PANK1: variants seen among roughly 807,000 people sequenced by gnomAD.
PANK1 encodes pantothenate kinase 1.
In PANK1, 18 loss-of-function variants were observed where a neutral mutation model predicts 40.1. That is an observed-to-expected ratio of 0.45 (90% CI 0.31 to 0.67). The LOEUF (loss-of-function observed/expected upper bound fraction) is 0.67. PANK1 is among the 30% of genes least tolerant of loss of function. The pLI is 0.06. For synonymous variants in PANK1, 242 were observed against 237.7 expected (o/e 1.02, Z -0.17); for missense variants, 457 against 599.6 (o/e 0.76, Z 2.48).
intron 5 of PANK1, among the ~76,000 whole-genome samples, chr10:89,589,586 T>G (rs1564616446): frequency 1.3e-5 from 2 of 152,136 alleles, no homozygotes; most frequent in African/African-American, 4.8e-5. Context: ...GTCACTCATA[T>G]CAAAGGCAAG....
intron 3 of PANK1, among the ~76,000 whole-genome samples, chr10:89,596,552 TCC>T: frequency 6.6e-6 from 1 of 152,212 alleles, no homozygotes; most frequent in Non-Finnish European, 1.5e-5. Flanking sequence ...GCCAAATGTC[TCC>T]CAGCACTTTA....
intron 6 of PANK1, among the ~76,000 whole-genome samples, chr10:89,586,262 A>G (rs1844192755): frequency 6.6e-6 from 1 of 152,230 alleles, no homozygotes; most frequent in African/African-American, 2.4e-5. Flanking sequence ...ATTGCTAAAA[A>G]TGGCAACTCT....
At chr10:89,639,140 T>G in intron 1 of PANK1, 9 of 418,462 alleles carry the variant, frequency 2.2e-5, no homozygotes, top group South Asian at 1.5e-4. Flanking sequence ...AGAAATTTAT[T>G]TGGCTTACAG....
At position 89,644,617 on chromosome 10, in the gene PANK1, C is replaced by T. The variant is rs746867059; in HGVS notation, c.275G>A (p.Gly92Glu). 2.4e-5 allele frequency: 38 copies of T among 1,589,212 alleles called. No individual in the cohort carries two copies. The highest frequency in any genetic ancestry group is 3.1e-5 in the Non-Finnish European group (36 of 1,172,842). ...KCRLRRRMDS[G>E]RKNRPPFPWF... ...GGACTTACGCGGCCTGTTCTTTCTCCCCGAGTCCATCCTCCTCCGCAGCCG... is the reference window on the plus strand; with the variant it reads ...GGACTTACGCGGCCTGTTCTTTCTCTCCGAGTCCATCCTCCTCCGCAGCCG... Residue 92 changes from glycine (G) to glutamate (E), a missense_variant, in exon 1 of 7, where the codon GGG becomes GAG. Gly to Glu is a moderately conservative substitution (Grantham distance 98). This residue lies in a region of PANK1 where 286 missense variants were observed against 415.8 expected (regional missense o/e 0.69). Transcript: ENST00000307534.
intron 5 of PANK1, among the ~76,000 whole-genome samples, chr10:89,591,305 G>A (rs1844379920): frequency 1.3e-5 from 2 of 152,070 alleles, no homozygotes; most frequent in Admixed American, 1.3e-4. Context: ...AGACAGAAGT[G>A]GAAATGGTGA....
rs1159137700 is a variant in PANK1 at position 89,595,824 on chromosome 10, AAAAAAAAAAAT to A, written c.900-1846_900-1836del. Among the ~76,000 whole-genome samples the A allele has an allele frequency of 8.3e-3, 435 of 52,618 alleles. 6 individuals carry two copies. The East Asian group carries it at 0.18, about 21-fold the overall frequency. 34.5% of individuals were successfully genotyped at this position (52,618 alleles called of 152,430 possible). On this transcript the variant is annotated intron_variant, in intron 3 of 6. Coordinates refer to ENST00000307534, the MANE Select transcript of PANK1 (RefSeq NM_148977.3). ...AGAGCCGGACTCCATCTTAAAAAAA[AAAAAAAAAAAT>A]ATATATATATATATATATATATATA...
intron 2 of PANK1, among the ~76,000 whole-genome samples, chr10:89,610,799 C>T (rs1845129101): frequency 6.6e-6 from 1 of 152,222 alleles, no homozygotes; most frequent in South Asian, 2.1e-4. Context: ...CCTAAAATCT[C>T]CCAACCCTTC....
rs558711311 is a variant in PANK1, at chr10:89,618,226, C to G, written c.293-6178G>C. Among the ~76,000 whole-genome samples, 99 of 152,320 alleles carry G rather than the reference C, an allele frequency of 6.5e-4. 1 individual carries two copies. Among genetic ancestry groups the G allele is most frequent in the Non-Finnish European group, 1.1e-3 (76 of 68,026 alleles). On this transcript the variant is annotated intron_variant, in intron 1 of 6. Transcript: ENST00000307534. ...TTTTAGAATGACTGAGCACCAGTGA[C>G]TGCTGGGTATCTCCCATTCACCCCC...
At chr10:89,628,436 CGT>C (rs1564634751) in intron 1 of PANK1, among the ~76,000 whole-genome samples, 1 of 58,690 alleles carries the variant, frequency 1.7e-5, no homozygotes, top group East Asian at 3.0e-4. Context: ...GAAAAGATCA[CGT>C]ATGATATGAT....
At chr10:89,636,541 TC>T (rs1841820478) in intron 1 of PANK1, among the ~76,000 whole-genome samples, 1 of 152,022 alleles carries the variant, frequency 6.6e-6, no homozygotes, top group Non-Finnish European at 1.5e-5. Context: ...AACCTCCACC[TC>T]GTGGGTTCAA....
intron 1 of PANK1, among the ~76,000 whole-genome samples, chr10:89,622,819 A>G (rs1350647908): frequency 6.6e-6 from 1 of 151,956 alleles, no homozygotes; most frequent in Non-Finnish European, 1.5e-5. Flanking sequence ...CCTGGGTGAC[A>G]GAGCGAGACT....
chr10:89,644,990 T>G lies in PANK1; in HGVS notation c.-99A>C. The G allele has an allele frequency of 1.3e-6, 2 of 1,576,370 alleles. No homozygotes were observed. Among genetic ancestry groups the G allele is most frequent in the South Asian group, 1.1e-5 (1 of 87,444 alleles). ...ATTTCCCCGGATCCTCCCTGCGGCT[T>G]CCGATTCAGCAGCCGCAGAGCCGGC... On this transcript the variant is annotated 5_prime_UTR_variant, in exon 1 of 7. Coordinates refer to ENST00000307534, the MANE Select transcript of PANK1 (RefSeq NM_148977.3).
chr10:89,642,546 A>C (rs1841998826), intron 1 of PANK1, among the ~76,000 whole-genome samples: 1 of 152,270 alleles, frequency 6.6e-6, no homozygotes, highest in Admixed American at 6.5e-5. Flanking sequence ...TCATCAGCAA[A>C]TAGGAATAAG....
chr10:89,590,084 T>C (rs1251301521), intron 5 of PANK1, among the ~76,000 whole-genome samples: 10 of 144,204 alleles, frequency 6.9e-5, no homozygotes, highest in Admixed American at 5.4e-4. Flanking sequence ...GGGAAAAATA[T>C]GGAAGAATTG....
At chr10:89,635,127 AAT>A (rs149212463) in intron 1 of PANK1, among the ~76,000 whole-genome samples, 11 of 148,256 alleles carry the variant, frequency 7.4e-5, no homozygotes, top group Non-Finnish European at 9.1e-5. Context: ...TCATTTAGCA[AAT>A]ATATATATAT....
intron 1 of PANK1, among the ~76,000 whole-genome samples, chr10:89,622,996 T>A (rs2133982652): frequency 6.6e-6 from 1 of 152,302 alleles, no homozygotes; most frequent in East Asian, 1.9e-4. Flanking sequence ...GGACATCATT[T>A]AATGATGTGA....
chr10:89,625,422 G>T (rs1244366883), intron 1 of PANK1, among the ~76,000 whole-genome samples: 2 of 152,152 alleles, frequency 1.3e-5, no homozygotes, highest in African/African-American at 4.8e-5. Flanking sequence ...TGCAGCTTTT[G>T]AAGTACTAGG....
intron 2 of PANK1, among the ~76,000 whole-genome samples, chr10:89,602,882 T>C (rs1844829609): frequency 6.6e-6 from 1 of 152,052 alleles, no homozygotes; most frequent in African/African-American, 2.4e-5. Flanking sequence ...GAGCCAGAAA[T>C]CCAAATTTTT....
rs750441389 is a variant in PANK1, at chr10:89,599,281, C to T, written c.870G>A (p.Lys290=). ...TCCCTGTAACTCTTTTATAGTTGTC[C>T]TTGGAGTACACGGCTAGAATGCTGA... ...SGVSILAVYS[K]DNYKRVTGTS... The change falls in exon 3 of 7, where the codon AAG becomes AAA. Residue 290 remains lysine (K), a synonymous_variant. Coordinates refer to ENST00000307534, the MANE Select transcript of PANK1 (RefSeq NM_148977.3). 18 of 1,613,940 alleles carry T rather than the reference C, an allele frequency of 1.1e-5. No homozygotes were observed. Among genetic ancestry groups the T allele is most frequent in the Non-Finnish European group, 1.5e-5 (18 of 1,179,952 alleles).
Sources: allele counts gnomAD v4.1 joint callset (sites outside exome capture counted in the v4.1 genomes callset), GRCh38; gene constraint gnomAD v4.1.1; regional missense constraint gnomAD v4.1.1; transcripts MANE v1.5; gene names NCBI Gene and HGNC (gene_info 2026-07-23, HGNC 2026-07-21).